Variants in CPQ observed in about 807,000 individuals in gnomAD.
CPQ encodes Ser-Met dipeptidase.
A neutral mutation model predicts 45.7 loss-of-function variants in CPQ; 37 were observed. The ratio of observed to expected loss-of-function variants is 0.81; its 90% CI spans 0.62 to 1.07. CPQ has a LOEUF of 1.07. Among genes scored for constraint, CPQ ranks in the 50% least tolerant of loss-of-function variants. The pLI is 0.00. For synonymous variants in CPQ, 186 were observed against 205.8 expected (o/e 0.90, Z 0.82); for missense variants, 537 against 572.9 (o/e 0.94, Z 0.64).
intron 7 of CPQ, among the ~76,000 whole-genome samples, chr8:97,084,897 C>G (rs796760830): frequency 6.6e-6 from 1 of 150,454 alleles, no homozygotes; most frequent in African/African-American, 2.5e-5. Context: ...TAAAGGCTTT[C>G]TCTTACCCAT....
intron 1 of CPQ, among the ~76,000 whole-genome samples, chr8:96,744,840 A>T (rs994033426): frequency 1.3e-5 from 2 of 152,172 alleles, no homozygotes; most frequent in African/African-American, 4.8e-5. Flanking sequence ...ATTTGGATTC[A>T]TTTCTATCAT....
intron 4 of CPQ, among the ~76,000 whole-genome samples, chr8:96,961,861 C>T (rs1291552365): frequency 2.0e-5 from 3 of 152,178 alleles, no homozygotes; most frequent in Non-Finnish European, 4.4e-5. Flanking sequence ...TAAGAATGCA[C>T]ATCCTCTGAG....
intron 2 of CPQ, among the ~76,000 whole-genome samples, chr8:96,807,179 G>A (rs570519674): frequency 6.6e-6 from 1 of 152,130 alleles, no homozygotes; most frequent in African/African-American, 2.4e-5. Flanking sequence ...TTATCACACT[G>A]CTGATCCCTG....
intron 1 of CPQ, among the ~76,000 whole-genome samples, chr8:96,777,758 ATATTTTTTTTTTTTTTTTTTTTTT>A (rs1810633940): frequency 9.0e-5 from 1 of 11,160 alleles, no homozygotes; most frequent in African/African-American, 4.2e-4. Context: ...ATATATATAT[ATATTTTTTTTTTTTTTTTTTTTTT>A]TTTTTTTTTT....
chr8:96,964,444 T>C (rs1298791799), intron 4 of CPQ, among the ~76,000 whole-genome samples: 1 of 152,190 alleles, frequency 6.6e-6, no homozygotes, highest in Admixed American at 6.5e-5. Context: ...TATATTTCCC[T>C]AATGATAATG....
At chr8:96,990,114 TCTC>T (rs1809063004) in intron 5 of CPQ, among the ~76,000 whole-genome samples, 1 of 152,016 alleles carries the variant, frequency 6.6e-6, no homozygotes, top group Non-Finnish European at 1.5e-5. Context: ...AGAGTGCCCT[TCTC>T]CTCCAACTCC....
intron 4 of CPQ, among the ~76,000 whole-genome samples, chr8:96,946,970 T>G (rs781353290): frequency 6.6e-6 from 1 of 152,162 alleles, no homozygotes; most frequent in Non-Finnish European, 1.5e-5. Context: ...CTGGAATTAT[T>G]TTTGTTAACT....
At chr8:96,917,215 A>G (rs1485702307) in intron 4 of CPQ, among the ~76,000 whole-genome samples, 1 of 152,100 alleles carries the variant, frequency 6.6e-6, no homozygotes, top group East Asian at 1.9e-4. Flanking sequence ...TTGTATATAT[A>G]TATTATCCAT....
At chr8:96,977,141 G>T (rs1563544415) in intron 5 of CPQ, among the ~76,000 whole-genome samples, 1 of 151,418 alleles carries the variant, frequency 6.6e-6, no homozygotes. Context: ...ACTCAAATAA[G>T]CAAGAGAATA....
rs138197986 is a variant in CPQ at position 96,729,694 on chromosome 8, T to C, written c.-34-55170T>C. 5.9e-3 allele frequency among the ~76,000 whole-genome samples: 905 copies of C among 152,292 alleles called. 16 individuals are homozygous for C. The highest frequency in any genetic ancestry group is 0.016 in the African/African-American group (653 of 41,562). ...TAAAAATGACAATTTTCTGCATAAC[T>C]GTAATACTATTATCACTCCCATTAA... On this transcript the variant is annotated intron_variant, in intron 1 of 7. Transcript: ENST00000220763.
At chr8:96,786,984 T>C (rs1302872431) in intron 2 of CPQ, among the ~76,000 whole-genome samples, 1 of 151,156 alleles carries the variant, frequency 6.6e-6, no homozygotes, top group Non-Finnish European at 1.5e-5. Context: ...TGTCTTTTCT[T>C]TTTTTTTGAT....
chr8:97,066,047 C>T lies in CPQ; in HGVS notation c.1092C>T (p.Asp364=), dbSNP rs147980708. 131 of 1,611,270 alleles carry T rather than the reference C, an allele frequency of 8.1e-5. No individual in the cohort carries two copies. The highest frequency in any genetic ancestry group is 9.7e-5 in the Non-Finnish European group (114 of 1,179,266). Residue 364 remains aspartate (D), a synonymous_variant, in exon 7 of 8, where the codon GAC becomes GAT. Coordinates refer to ENST00000220763, the MANE Select transcript of CPQ (RefSeq NM_016134.4). Reference sequence around the variant, plus strand: ...ACTACAGTCTGGTGATGGAGTCTGACGCAGGAACCTTCTTACCCACTGGGC... The same window carrying T: ...ACTACAGTCTGGTGATGGAGTCTGATGCAGGAACCTTCTTACCCACTGGGC... ...ISNYSLVMES[D]AGTFLPTGLQ...
At chr8:97,005,381 A>C (rs1002743141) in intron 5 of CPQ, among the ~76,000 whole-genome samples, 1 of 151,736 alleles carries the variant, frequency 6.6e-6, no homozygotes, top group African/African-American at 2.4e-5. Flanking sequence ...CTCCTGGCCT[A>C]TGATCATTTT....
intron 1 of CPQ, among the ~76,000 whole-genome samples, chr8:96,735,319 G>A (rs950408334): frequency 3.3e-5 from 5 of 152,168 alleles, no homozygotes; most frequent in African/African-American, 1.2e-4. Context: ...GCGAATGCAT[G>A]TGCTCAGCCC....
At chr8:97,025,302 T>C (rs1370753983) in intron 5 of CPQ, among the ~76,000 whole-genome samples, 1 of 152,214 alleles carries the variant, frequency 6.6e-6, no homozygotes, top group African/African-American at 2.4e-5. Context: ...GAAATGCCTG[T>C]GTATCCTATT....
At chr8:96,744,600 A>C (rs116209289) in intron 1 of CPQ, among the ~76,000 whole-genome samples, 182 of 152,104 alleles carry the variant, frequency 1.2e-3, no homozygotes, top group South Asian at 2.5e-3. Flanking sequence ...CTTGAAGTCT[A>C]TTTTGTCTCA....
rs566212558 is a variant in CPQ, at chr8:96,720,959, G to GT, written c.-34-63893dup. 1.5e-3 allele frequency among the ~76,000 whole-genome samples: 216 copies of GT among 144,876 alleles called. 1 individual carries two copies. Among genetic ancestry groups the GT allele is most frequent in the South Asian group, 6.5e-3 (30 of 4,618 alleles). ...CCAAAGATTAATAAGGTGTTCATGG[G>GT]TTTTTTTTTTTTCTTCCCTGGCTGT... On this transcript the variant is annotated intron_variant, in intron 1 of 7. Transcript: ENST00000220763.
chr8:97,062,678 A>G (rs112463379), intron 6 of CPQ, among the ~76,000 whole-genome samples: 64 of 152,112 alleles, frequency 4.2e-4, no homozygotes, highest in African/African-American at 1.5e-3. Context: ...CTATCTGTCC[A>G]TGTGTTCTCA....
intron 7 of CPQ, among the ~76,000 whole-genome samples, chr8:97,094,319 G>C (rs1811176697): frequency 6.6e-6 from 1 of 152,158 alleles, no homozygotes; most frequent in Non-Finnish European, 1.5e-5. Context: ...TGATTTGCAG[G>C]TTTGCAAATT....
Sources: gnomAD v4.1 joint callset for allele counts (sites outside exome capture counted in the v4.1 genomes callset) on GRCh38, gnomAD v4.1.1 for gene constraint, MANE v1.5 for transcripts, NCBI Gene and HGNC (gene_info 2026-07-23, HGNC 2026-07-21) for gene names.